The following PIK3C3 variants were observed in gnomAD, a reference collection of about 807,000 sequenced individuals.
PIK3C3 encodes PI3-kinase type 3.
In PIK3C3, 95 loss-of-function variants were observed where a neutral mutation model predicts 126.1. The observed-to-expected ratio is 0.75, with a 90% CI of 0.64 to 0.89. The LOEUF is 0.89. Ranked by LOEUF, PIK3C3 falls within the 40% of genes least tolerant of loss-of-function variation. The pLI, the probability that PIK3C3 is intolerant of heterozygous loss-of-function variation, is 0.00. For missense variants in PIK3C3, 829 were observed against 1,063.2 expected (o/e 0.78, Z 3.06); for synonymous variants, 374 against 360.0 (o/e 1.04, Z -0.44).
At position 41,991,940 on chromosome 18, in the gene PIK3C3, A is replaced by G. The variant is rs186107443; in HGVS notation, c.715-1330A>G. ...TATTTTACATTTTAAACTATATGTC[A>G]TTTCATTAAAGGCAGTATTTTCTGC... On this transcript the variant is annotated intron_variant, in intron 6 of 24. Coordinates refer to ENST00000262039, the MANE Select transcript of PIK3C3 (RefSeq NM_002647.4). Among the ~76,000 whole-genome samples, 387 of 152,280 alleles carry G rather than the reference A, an allele frequency of 2.5e-3. 1 individual carries two copies. Among genetic ancestry groups the G allele is most frequent in the Non-Finnish European group, 3.7e-3 (253 of 68,006 alleles).
intron 22 of PIK3C3, among the ~76,000 whole-genome samples, chr18:42,064,134 C>G (rs533461441): frequency 6.6e-6 from 1 of 152,274 alleles, no homozygotes; most frequent in South Asian, 2.1e-4. Flanking sequence ...TGGAGGCCAG[C>G]ATACTCTGAA....
intron 24 of PIK3C3, among the ~76,000 whole-genome samples, chr18:42,075,381 C>T (rs1455362171): frequency 6.6e-6 from 1 of 151,964 alleles, no homozygotes; most frequent in South Asian, 2.1e-4. Context: ...AATGTAACAC[C>T]AATATATCAC....
chr18:41,976,937 A>G (rs1416731853), intron 4 of PIK3C3, among the ~76,000 whole-genome samples: 1 of 152,224 alleles, frequency 6.6e-6, no homozygotes, highest in Non-Finnish European at 1.5e-5. Flanking sequence ...CTTTATGGAA[A>G]TCTCTTCCAA....
In PIK3C3 at chr18:42,004,341, A is replaced by G. The variant is rs1296633368; in HGVS notation, c.985-15A>G. On this transcript the variant is annotated splice_polypyrimidine_tract_variant and intron_variant, in intron 9 of 24. Coordinates refer to ENST00000262039, the MANE Select transcript of PIK3C3 (RefSeq NM_002647.4). The stretch of plus-strand genomic sequence containing the variant: ...AATAGGCTGTTTCTAATTTTTAAAT[A>G]TTTTCTGATTTTAGGCCTTGACAAA... 30 of 1,597,334 alleles carry G rather than the reference A, an allele frequency of 1.9e-5. No homozygotes were observed. The highest frequency in any genetic ancestry group is 2.3e-5 in the Non-Finnish European group (27 of 1,169,944).
Position 42,027,567 on chromosome 18 carries a change from G to T in PIK3C3, c.1590+19G>T. 1 of 1,517,974 alleles carries T rather than the reference G, an allele frequency of 6.6e-7. No homozygotes were observed. The highest frequency in any genetic ancestry group is 1.1e-5 in the South Asian group (1 of 87,894). The allele number at this position is 1,517,974 out of a possible 1,614,324, so 94.0% of individuals were successfully genotyped here. ...GTTGAAGGTAACCCTTAAATGTGAG[G>T]GTTGGCAAACTGCAGCACATGGGCC... On this transcript the variant is annotated intron_variant, in intron 14 of 24. Coordinates refer to ENST00000262039, the MANE Select transcript of PIK3C3 (RefSeq NM_002647.4).
intron 20 of PIK3C3, among the ~76,000 whole-genome samples, chr18:42,046,177 A>G (rs1182816634): frequency 6.6e-6 from 1 of 152,216 alleles, no homozygotes; most frequent in Non-Finnish European, 1.5e-5. Context: ...TTTCACATGT[A>G]TTCATTCCTC....
At position 42,049,541 on chromosome 18, in the gene PIK3C3, C is replaced by T. The variant is rs760099630; in HGVS notation, c.2199C>T (p.Cys733=). The T allele has an allele frequency of 5.6e-6, 9 of 1,611,632 alleles. No individual in the cohort carries two copies. The highest frequency in any genetic ancestry group is 5.5e-5 in the South Asian group (5 of 90,850). ...TAACTGTTACTGCAGCTGGATATTG[C>T]GTGATCACCTATATACTTGGAGTTG... ...DTYVKSCAGY[C]VITYILGVGD... is the part of the protein sequence containing the mutation. Residue 733 remains cysteine, a synonymous_variant, in exon 21 of 25, where the codon TGC becomes TGT. Transcript: ENST00000262039.
chr18:42,080,011 G>GTGTA (rs1986191910), intron 24 of PIK3C3, among the ~76,000 whole-genome samples: 1 of 151,508 alleles, frequency 6.6e-6, no homozygotes, highest in South Asian at 2.1e-4. Context: ...GTGTGTGTGT[G>GTGTA]TGTGTGTGTG....
At chr18:42,011,453 C>T (rs1982822884) in intron 10 of PIK3C3, among the ~76,000 whole-genome samples, 1 of 152,162 alleles carries the variant, frequency 6.6e-6, no homozygotes, top group South Asian at 2.1e-4. Flanking sequence ...TAACTTCCAA[C>T]TTTTCTTTTG....
chr18:42,029,877 A>T (rs1012023336), intron 15 of PIK3C3, among the ~76,000 whole-genome samples: 3 of 152,064 alleles, frequency 2.0e-5, no homozygotes, highest in Non-Finnish European at 2.9e-5. Flanking sequence ...AATTATAGTA[A>T]TAGGAATGTT....
intron 4 of PIK3C3, among the ~76,000 whole-genome samples, chr18:41,987,414 C>G (rs930283589): frequency 6.6e-6 from 1 of 151,894 alleles, no homozygotes; most frequent in African/African-American, 2.4e-5. Flanking sequence ...CTGTAACTGT[C>G]ATTTTTTCAT....
intron 4 of PIK3C3, among the ~76,000 whole-genome samples, chr18:41,977,465 G>A (rs916879671): frequency 6.6e-6 from 1 of 151,846 alleles, no homozygotes; most frequent in Non-Finnish European, 1.5e-5. Context: ...ACGTTTTAGA[G>A]CCATGAGAGG....
intron 24 of PIK3C3, among the ~76,000 whole-genome samples, chr18:42,078,473 C>T (rs1391426033): frequency 6.7e-6 from 1 of 150,030 alleles, no homozygotes; most frequent in Non-Finnish European, 1.5e-5. Context: ...ATTTGTAGAT[C>T]AAAGGCAGAG....
chr18:42,057,528 G>A (rs569384417), intron 21 of PIK3C3: 6 of 189,558 alleles, frequency 3.2e-5, no homozygotes, highest in Non-Finnish European at 6.4e-5. Flanking sequence ...TTAAACTTTA[G>A]CACAAAAAAT....
intron 23 of PIK3C3, among the ~76,000 whole-genome samples, chr18:42,065,221 G>A (rs577854567): frequency 1.3e-5 from 2 of 152,134 alleles, no homozygotes; most frequent in African/African-American, 4.8e-5. Flanking sequence ...ATAACTAGAT[G>A]TGTGAATAAA....
intron 21 of PIK3C3, among the ~76,000 whole-genome samples, chr18:42,054,510 A>G (rs1984973150): frequency 6.6e-6 from 1 of 151,990 alleles, no homozygotes; most frequent in Admixed American, 6.6e-5. Context: ...ACCCTCACAG[A>G]CACACCCAGG....
intron 14 of PIK3C3, among the ~76,000 whole-genome samples, 189 bp downstream of exon 14, chr18:42,027,737 C>T (rs1299888519): frequency 1.3e-5 from 2 of 152,188 alleles, no homozygotes; most frequent in Non-Finnish European, 1.5e-5. Context: ...TCACTGCAGC[C>T]TCTGCCTCCT....
intron 3 of PIK3C3, among the ~76,000 whole-genome samples, chr18:41,968,091 C>G (rs374558112): frequency 1.9e-4 from 29 of 152,318 alleles, no homozygotes; most frequent in Non-Finnish European, 3.8e-4. Context: ...CCCATACCCT[C>G]CACGTCCCCT....
At chr18:42,004,304 T>G in intron 9 of PIK3C3, 52 bp from the exon 10 acceptor site, 1 of 1,434,520 alleles carries the variant, frequency 7.0e-7, no homozygotes. Context: ...AGTCAACTTC[T>G]CTATCCCAGG....
Sources: gnomAD v4.1 joint callset for allele counts (sites outside exome capture counted in the v4.1 genomes callset) on GRCh38, gnomAD v4.1.1 for gene constraint, MANE v1.5 for transcripts, NCBI Gene and HGNC (gene_info 2026-07-23, HGNC 2026-07-21) for gene names.